Variants in OLA1 observed in about 807,000 individuals in gnomAD.
OLA1 encodes Obg like ATPase 1, also known as obg-like ATPase 1.
In OLA1, 14 loss-of-function variants were observed where a neutral mutation model predicts 48.4. The ratio of observed to expected loss-of-function variants is 0.29; its 90% CI spans 0.19 to 0.45. The LOEUF is 0.45. Ranked by LOEUF, OLA1 falls within the 20% of genes least tolerant of loss-of-function variation. The pLI is 1.00. For missense variants in OLA1, 325 were observed against 467.1 expected (o/e 0.70, Z 2.80); for synonymous variants, 127 against 150.4 (o/e 0.84, Z 1.14).
rs775206460 is a variant in OLA1, at chr2:174,229,451, C to T, written c.102G>A (p.Gly34=). 1 of 1,602,534 alleles carries T rather than the reference C, an allele frequency of 6.2e-7. No individual in the cohort carries two copies. Among genetic ancestry groups the T allele is most frequent in the African/African-American group, 1.3e-5 (1 of 74,186 alleles). ...KIGIVGLPNV[G]KSTFFNVLTN... The stretch of plus-strand genomic sequence containing the variant: ...TTAACACATTGAAGAAAGTAGATTT[C>T]CTAAAACAAATAAAAGCAATTTCAA... Residue 34 remains glycine, a splice_region_variant and synonymous_variant, in exon 3 of 11, where the codon GGG becomes GGA. Transcript: ENST00000284719.
At chr2:174,077,569 T>C (rs1684774124) in intron 10 of OLA1, among the ~76,000 whole-genome samples, 1 of 152,096 alleles carries the variant, frequency 6.6e-6, no homozygotes, top group Non-Finnish European at 1.5e-5. Flanking sequence ...GTCAACCTTT[T>C]CTAATTTATA....
At chr2:174,223,765 C>CAAAAAAAAAAAAAAAAAA (rs71021680) in intron 3 of OLA1, among the ~76,000 whole-genome samples, 1 of 73,326 alleles carries the variant, frequency 1.4e-5, no homozygotes, top group East Asian at 3.4e-4. Context: ...GTTATATAGA[C>CAAAAAAAAAAAAAAAAAA]AAAAAAAAAA....
chr2:174,184,374 A>G (rs1017157298), intron 4 of OLA1, among the ~76,000 whole-genome samples: 1 of 152,198 alleles, frequency 6.6e-6, no homozygotes, highest in Non-Finnish European at 1.5e-5. Context: ...CCAAAAACCC[A>G]TAACTCCAGT....
chr2:174,106,682 T>C (rs1685520004), intron 7 of OLA1, among the ~76,000 whole-genome samples: 1 of 152,134 alleles, frequency 6.6e-6, no homozygotes, highest in Non-Finnish European at 1.5e-5. Context: ...AGAAAAGAAG[T>C]CAATAATAAT....
At chr2:174,113,548 G>C (rs1020203184) in intron 7 of OLA1, among the ~76,000 whole-genome samples, 18 of 151,812 alleles carry the variant, frequency 1.2e-4, no homozygotes, top group African/African-American at 4.4e-4. Flanking sequence ...AAAATTACGA[G>C]ACAAGGCAAA....
chr2:174,224,297 A>G (rs1261436770), intron 3 of OLA1, among the ~76,000 whole-genome samples: 1 of 152,094 alleles, frequency 6.6e-6, no homozygotes, highest in Non-Finnish European at 1.5e-5. Context: ...CTCGGTACCT[A>G]TACGGATTTT....
At chr2:174,160,579 T>A (rs1275483124) in intron 4 of OLA1, among the ~76,000 whole-genome samples, 2 of 152,192 alleles carry the variant, frequency 1.3e-5, no homozygotes, top group African/African-American at 4.8e-5. Flanking sequence ...CACCTGCCAA[T>A]ATATTAAAAA....
chr2:174,160,340 A>G (rs569361672), intron 4 of OLA1, among the ~76,000 whole-genome samples: 2 of 152,306 alleles, frequency 1.3e-5, no homozygotes, highest in South Asian at 4.1e-4. Context: ...ACGTATAAAC[A>G]TTTCAGCAAA....
chr2:174,112,654 A>T (rs1685680138), intron 7 of OLA1, among the ~76,000 whole-genome samples: 1 of 152,158 alleles, frequency 6.6e-6, no homozygotes, highest in African/African-American at 2.4e-5. Context: ...TAGTTATTTC[A>T]GGAGTGGACT....
At chr2:174,243,467 C>A (rs1452868017) in intron 2 of OLA1, among the ~76,000 whole-genome samples, 1 of 152,168 alleles carries the variant, frequency 6.6e-6, no homozygotes, top group Non-Finnish European at 1.5e-5. Flanking sequence ...AAATCTACAT[C>A]CAGCCGTCAA....
At chr2:174,076,380 A>T (rs1340175814) in intron 10 of OLA1, among the ~76,000 whole-genome samples, 1 of 152,136 alleles carries the variant, frequency 6.6e-6, no homozygotes, top group Non-Finnish European at 1.5e-5. Context: ...ACATGACCCC[A>T]CCATCGACTC....
chr2:174,080,161 G>C (rs1574469004), intron 9 of OLA1, among the ~76,000 whole-genome samples: 1 of 151,898 alleles, frequency 6.6e-6, no homozygotes. Flanking sequence ...AAGGGGAGAG[G>C]AGATAAAAGA....
At chr2:174,088,120 A>C (rs1387383653) in intron 7 of OLA1, among the ~76,000 whole-genome samples, 1 of 152,210 alleles carries the variant, frequency 6.6e-6, no homozygotes, top group Non-Finnish European at 1.5e-5. Flanking sequence ...TGCAACTTAC[A>C]TAAAAGAGGC....
At chr2:174,237,410 T>C (rs774894981) in intron 2 of OLA1, among the ~76,000 whole-genome samples, 1 of 147,192 alleles carries the variant, frequency 6.8e-6, no homozygotes, top group Non-Finnish European at 1.5e-5. Context: ...TACAGTTACT[T>C]TTTTTTTTTA....
At chr2:174,092,259 C>G (rs1352699243) in intron 7 of OLA1, among the ~76,000 whole-genome samples, 1 of 152,142 alleles carries the variant, frequency 6.6e-6, no homozygotes, top group African/African-American at 2.4e-5. Context: ...AGTAAATCTC[C>G]AGCACCACCT....
At chr2:174,142,059 A>C in intron 4 of OLA1, 59 bp from the exon 5 acceptor site, 1 of 1,406,050 alleles carries the variant, frequency 7.1e-7, no homozygotes, top group Non-Finnish European at 9.9e-7. Context: ...GTTCATTATG[A>C]TAGAGTGAAA....
In OLA1 at chr2:174,074,607, G is replaced by GT. The variant is rs1043397967; in HGVS notation, c.*818dup. ...TAACCCACCAGACATCAATGGGTCA[G>GT]TTTTTACAATTTAATAATTTCAAAG... On this transcript the variant is annotated 3_prime_UTR_variant, in exon 11 of 11. Transcript: ENST00000284719. The GT allele has an allele frequency of 1.3e-5, 2 of 152,136 alleles. No individual in the cohort carries two copies. The highest frequency in any genetic ancestry group is 4.8e-5 in the African/African-American group (2 of 41,420). 9.4% of individuals were successfully genotyped at this position (152,136 alleles called of 1,614,324 possible).
At chr2:174,173,021 G>C (rs1687343727) in intron 4 of OLA1, among the ~76,000 whole-genome samples, 2 of 152,094 alleles carry the variant, frequency 1.3e-5, no homozygotes, top group Admixed American at 1.3e-4. Flanking sequence ...TAAGCTCCTG[G>C]GGCCTCACCA....
At chr2:174,201,662 G>A (rs1013988315) in intron 4 of OLA1, among the ~76,000 whole-genome samples, 2 of 152,140 alleles carry the variant, frequency 1.3e-5, no homozygotes, top group Non-Finnish European at 2.9e-5. Context: ...ATAGTACTGC[G>A]TACTTCATGC....
Sources: gnomAD v4.1 joint callset for allele counts (sites outside exome capture counted in the v4.1 genomes callset) on GRCh38, gnomAD v4.1.1 for gene constraint, MANE v1.5 for transcripts, NCBI Gene and HGNC (gene_info 2026-07-23, HGNC 2026-07-21) for gene names.